The following ANKRD30A variants were observed in gnomAD, a reference collection of about 807,000 sequenced individuals.
ANKRD30A encodes ankyrin repeat domain-containing protein 30A.
In ANKRD30A, 170 loss-of-function variants were observed where a neutral mutation model predicts 166.3. The observed-to-expected ratio is 1.02, with a 90% CI of 0.90 to 1.16. ANKRD30A has a LOEUF of 1.16. Among genes scored for constraint, ANKRD30A ranks in the 50% most tolerant of loss-of-function variants. The pLI is 0.00. For missense variants in ANKRD30A, 1,630 were observed against 1,518.0 expected (o/e 1.07, Z -1.23); for synonymous variants, 564 against 508.9 (o/e 1.11, Z -1.46).
intron 7 of ANKRD30A, among the ~76,000 whole-genome samples, chr10:37,144,070 T>C (rs1369117949): frequency 6.6e-6 from 1 of 152,198 alleles, no homozygotes; most frequent in Non-Finnish European, 1.5e-5. Context: ...TGATTTCTTT[T>C]ACTGAATTTT....
At chr10:37,253,322 T>A in the ANKRD30A span, among the ~76,000 whole-genome samples, 1 of 152,230 alleles carries the variant, frequency 6.6e-6, no homozygotes, top group Non-Finnish European at 1.5e-5. Flanking sequence ...AGGAACCAAA[T>A]TTTTAATAAT....
At chr10:37,190,308 G>C (rs1025525185) in intron 25 of ANKRD30A, among the ~76,000 whole-genome samples, 1 of 151,766 alleles carries the variant, frequency 6.6e-6, no homozygotes, top group Non-Finnish European at 1.5e-5. Context: ...CGTTGCTCTG[G>C]GTTGCAAGAG....
chr10:37,195,090 T>C (rs1013363298), intron 27 of ANKRD30A, among the ~76,000 whole-genome samples: 1 of 152,100 alleles, frequency 6.6e-6, no homozygotes, highest in Non-Finnish European at 1.5e-5. Context: ...TTATGTGAAC[T>C]ATTAGGCCCC....
chr10:37,246,089 A>G, the ANKRD30A span, among the ~76,000 whole-genome samples: 1 of 152,222 alleles, frequency 6.6e-6, no homozygotes, highest in Admixed American at 6.5e-5. Flanking sequence ...GAGGCAAGTC[A>G]TATTCAGGGA....
intron 5 of ANKRD30A, among the ~76,000 whole-genome samples, chr10:37,134,290 A>G (rs1836546510): frequency 6.6e-6 from 1 of 152,184 alleles, no homozygotes; most frequent in South Asian, 2.1e-4. Flanking sequence ...TGTCCACTTT[A>G]GCAGAAAACC....
At chr10:37,192,670 T>A (rs1008458699) in intron 25 of ANKRD30A, among the ~76,000 whole-genome samples, 1 of 152,054 alleles carries the variant, frequency 6.6e-6, no homozygotes, top group Non-Finnish European at 1.5e-5. Context: ...CAATATGCCA[T>A]AGCATTCTCC....
intron 25 of ANKRD30A, among the ~76,000 whole-genome samples, chr10:37,192,672 G>A (rs1358019937): frequency 2.0e-5 from 3 of 151,990 alleles, no homozygotes; most frequent in African/African-American, 7.3e-5. Context: ...ATATGCCATA[G>A]CATTCTCCCA....
chr10:37,126,563 G>C (rs1026743598), intron 1 of ANKRD30A, among the ~76,000 whole-genome samples: 2 of 152,096 alleles, frequency 1.3e-5, no homozygotes, highest in African/African-American at 4.8e-5. Flanking sequence ...TTATGTTCTT[G>C]AATTTAAGAA....
chr10:37,252,682 G>GT, the ANKRD30A span, among the ~76,000 whole-genome samples: 2,121 of 143,000 alleles, frequency 0.015, 39 homozygotes, highest in East Asian at 0.11. Context: ...AAAATTTACA[G>GT]TTTTTTTTTT....
In ANKRD30A at chr10:37,147,339, T is replaced by C. The variant is rs200768299; in HGVS notation, c.1456-31T>C. 4.1e-6 allele frequency: 6 copies of C among 1,472,366 alleles called. No individual in the cohort carries two copies. In the African/African-American group the frequency reaches 8.6e-5, roughly 21 times the overall value. The allele number at this position is 1,472,366 out of a possible 1,614,324, so 91.2% of individuals were successfully genotyped here. Reference sequence around the variant, plus strand: ...ATTTTCATGCTTATGATTTTAAAACTGAAATTATCTATTGATACTACTTTT... The same window carrying C: ...ATTTTCATGCTTATGATTTTAAAACCGAAATTATCTATTGATACTACTTTT... On this transcript the variant is annotated intron_variant, in intron 8 of 35. Coordinates refer to ENST00000361713, the MANE Select transcript of ANKRD30A (RefSeq NM_052997.3).
chr10:37,191,227 A>G (rs1840548222), intron 25 of ANKRD30A, among the ~76,000 whole-genome samples: 2 of 151,946 alleles, frequency 1.3e-5, no homozygotes, highest in South Asian at 2.1e-4. Flanking sequence ...TGAGTAAGCT[A>G]GAAATTACAA....
At chr10:37,136,727 T>C in intron 6 of ANKRD30A, 56 bp downstream of exon 6, 1 of 1,039,546 alleles carries the variant, frequency 9.6e-7, no homozygotes, top group Non-Finnish European at 1.4e-6. Context: ...ATTATGGAAG[T>C]GTTGATCACA....
At position 37,191,213 on chromosome 10, in the gene ANKRD30A, G is replaced by A. The variant is rs901985935; in HGVS notation, c.2512+1656G>A. Among the ~76,000 whole-genome samples the A allele has an allele frequency of 1.8e-4, 27 of 152,018 alleles. 1 individual carries two copies. Among genetic ancestry groups the A allele is most frequent in the African/African-American group, 6.5e-4 (27 of 41,398 alleles). ...CTCCATGAGTGGATTAAGAGATATT[G>A]AGATGAGTAAGCTAGAAATTACAAA... is the stretch of plus-strand genomic sequence containing the variant. On this transcript the variant is annotated intron_variant, in intron 25 of 35. Transcript: ENST00000361713.
rs759133867 is a variant in ANKRD30A at position 37,141,726 on chromosome 10, T to C, written c.829T>C (p.Ser277Pro). ...NHQNTNPEGTSAGTPDEAAPL... is the reference protein window; with the variant it reads ...NHQNTNPEGTPAGTPDEAAPL... ...GATTGTGTGTTTGGCAGAAGGAACA[T>C]CTGCAGGAACACCTGATGAGGCTGC... Residue 277 changes from serine (S) to proline (P), a missense_variant, in exon 7 of 36, where the codon TCT (serine) becomes CCT (proline). This residue lies in a region of ANKRD30A where 904 missense variants were observed against 818.5 expected (regional missense o/e 1.10). Coordinates refer to ENST00000361713, the MANE Select transcript of ANKRD30A (RefSeq NM_052997.3). 20 of 1,611,682 alleles carry C rather than the reference T, an allele frequency of 1.2e-5. No homozygotes were observed. In the East Asian group the frequency reaches 4.0e-4, roughly 32 times the overall value.
chr10:37,194,498 G>T (rs192751123), intron 27 of ANKRD30A, among the ~76,000 whole-genome samples: 1 of 151,824 alleles, frequency 6.6e-6, no homozygotes, highest in African/African-American at 2.4e-5. Flanking sequence ...GTGCCACCAC[G>T]CCTGGCTAAT....
Position 37,190,289 on chromosome 10 carries a change from G to C in ANKRD30A, c.2512+732G>C, listed in dbSNP as rs140545965. Reference sequence around the variant, plus strand: ...TTCTCAGGTGATGCTGATGCTGGTGGTCCTTGGACGTTGCTCTGGGTTGCA... The same window carrying C: ...TTCTCAGGTGATGCTGATGCTGGTGCTCCTTGGACGTTGCTCTGGGTTGCA... On this transcript the variant is annotated intron_variant, in intron 25 of 35. Transcript: ENST00000361713. Among the ~76,000 whole-genome samples the C allele has an allele frequency of 4.4e-3, 674 of 151,942 alleles. 3 individuals carry two copies. Among genetic ancestry groups the C allele is most frequent in the Non-Finnish European group, 7.8e-3 (529 of 68,004 alleles).
chr10:37,265,585 G>A, the ANKRD30A span, among the ~76,000 whole-genome samples: 6 of 152,178 alleles, frequency 3.9e-5, no homozygotes, highest in Admixed American at 1.3e-4. Flanking sequence ...CACTGCCCAG[G>A]CCTGCCTGGG....
chr10:37,165,467 C>T (rs191062173), intron 18 of ANKRD30A, among the ~76,000 whole-genome samples: 53 of 152,244 alleles, frequency 3.5e-4, no homozygotes, highest in Admixed American at 1.7e-3. Context: ...TACACTGAGT[C>T]GAGCTATGGG....
chr10:37,156,468 G>A (rs935502400), intron 13 of ANKRD30A, among the ~76,000 whole-genome samples: 1 of 152,142 alleles, frequency 6.6e-6, no homozygotes, highest in Admixed American at 6.5e-5. Flanking sequence ...TTTAGAACCA[G>A]AGTTTTCAAC....
Sources: gnomAD v4.1 joint callset for allele counts (sites outside exome capture counted in the v4.1 genomes callset) on GRCh38, gnomAD v4.1.1 for gene constraint, gnomAD v4.1.1 regional missense constraint, MANE v1.5 for transcripts, NCBI Gene and HGNC (gene_info 2026-07-23, HGNC 2026-07-21) for gene names.